The following HYCC1 variants were observed in gnomAD, a reference collection of about 807,000 sequenced individuals.
The protein encoded by HYCC1 is hyccin.
chr7:22,924,976 AG>A, the HYCC1 span, among the ~76,000 whole-genome samples: 1 of 152,202 alleles, frequency 6.6e-6, no homozygotes, highest in African/African-American at 2.4e-5. Context: ...TACTCCTCTG[AG>A]CCAAAACTTC....
the HYCC1 span, chr7:22,945,578 T>C: frequency 1.3e-6 from 2 of 1,583,498 alleles, no homozygotes; most frequent in East Asian, 2.2e-5. Flanking sequence ...GGGAGAAAAA[T>C]ATGTTACTAA....
chr7:23,012,026 G>C, the HYCC1 span, among the ~76,000 whole-genome samples: 8 of 152,208 alleles, frequency 5.3e-5, no homozygotes, highest in Admixed American at 3.9e-4. Context: ...TTGTATGTTA[G>C]ATAGTAAATT....
chr7:22,978,315 T>C, the HYCC1 span: 2 of 1,614,144 alleles, frequency 1.2e-6, no homozygotes, highest in Admixed American at 1.7e-5. Context: ...TCCACTGCTA[T>C]GCACATTTCT....
chr7:22,960,482 C>A, the HYCC1 span: 231 of 1,268,452 alleles, frequency 1.8e-4, 1 homozygote, highest in African/African-American at 2.8e-3. Flanking sequence ...TCTAACCCTT[C>A]GATAAAACAT....
At chr7:22,897,396 G>C in the HYCC1 span, among the ~76,000 whole-genome samples, 8 of 152,190 alleles carry the variant, frequency 5.3e-5, no homozygotes, top group Admixed American at 5.2e-4. Flanking sequence ...ATTTTGTCAA[G>C]AGTGGACTCC....
chr7:22,955,887 A>G, the HYCC1 span, among the ~76,000 whole-genome samples: 1 of 151,706 alleles, frequency 6.6e-6, no homozygotes, highest in Non-Finnish European at 1.5e-5. Flanking sequence ...ATAGAATTAA[A>G]GCATAATTAT....
chr7:22,918,177 C>T, the HYCC1 span, among the ~76,000 whole-genome samples: 2 of 152,322 alleles, frequency 1.3e-5, no homozygotes, highest in African/African-American at 2.4e-5. Flanking sequence ...ACTGAACCCC[C>T]TTAGGCACTC....
At chr7:23,011,899 A>G in the HYCC1 span, among the ~76,000 whole-genome samples, 9 of 152,148 alleles carry the variant, frequency 5.9e-5, no homozygotes, top group Admixed American at 1.3e-4. Context: ...CTCCACCTAC[A>G]CTCAAGGCAA....
the HYCC1 span, among the ~76,000 whole-genome samples, chr7:22,899,503 G>A: frequency 6.6e-6 from 1 of 152,312 alleles, no homozygotes; most frequent in African/African-American, 2.4e-5. Flanking sequence ...AGTTGCTAAT[G>A]AGGCAGAAAA....
the HYCC1 span, among the ~76,000 whole-genome samples, chr7:22,927,953 C>G: frequency 6.6e-6 from 1 of 152,036 alleles, no homozygotes; most frequent in Non-Finnish European, 1.5e-5. Context: ...ACTGGCAAAC[C>G]GAATCCAGCA....
At chr7:22,995,122 C>T in the HYCC1 span, among the ~76,000 whole-genome samples, 2 of 152,180 alleles carry the variant, frequency 1.3e-5, no homozygotes, top group African/African-American at 4.8e-5. Context: ...AAACAAACCA[C>T]TGGGCTTAGA....
At chr7:22,914,215 C>A in the HYCC1 span, among the ~76,000 whole-genome samples, 282 of 152,282 alleles carry the variant, frequency 1.9e-3, 5 homozygotes, top group East Asian at 0.041. Flanking sequence ...ACCGCGGGGA[C>A]GCCTGCCCTG....
chr7:23,000,047 T>C, the HYCC1 span, among the ~76,000 whole-genome samples: 2 of 152,002 alleles, frequency 1.3e-5, no homozygotes, highest in African/African-American at 2.4e-5. Context: ...ACACAAAAAC[T>C]ATCAACACCT....
the HYCC1 span, among the ~76,000 whole-genome samples, chr7:22,993,151 A>G: frequency 0.011 from 1,686 of 152,280 alleles, 26 homozygotes; most frequent in African/African-American, 0.039. Flanking sequence ...TGCTCTTTAT[A>G]ATAAATGGGG....
the HYCC1 span, among the ~76,000 whole-genome samples, chr7:22,953,967 T>C: frequency 6.6e-5 from 10 of 151,718 alleles, no homozygotes; most frequent in Non-Finnish European, 1.3e-4. Flanking sequence ...ACATACACAT[T>C]ATAAATTTTT....
the HYCC1 span, among the ~76,000 whole-genome samples, chr7:22,925,406 C>T: frequency 5.2e-4 from 79 of 152,254 alleles, no homozygotes; most frequent in East Asian, 0.013. Flanking sequence ...GAAGTTCGAA[C>T]CAACGGCAAA....
chr7:22,904,673 C>T, the HYCC1 span, among the ~76,000 whole-genome samples: 1 of 151,348 alleles, frequency 6.6e-6, no homozygotes, highest in Non-Finnish European at 1.5e-5. Context: ...AGGTTTAGGG[C>T]CAGGCATGGT....
chr7:22,963,344 C>T, the HYCC1 span, among the ~76,000 whole-genome samples: 1 of 152,108 alleles, frequency 6.6e-6, no homozygotes, highest in African/African-American at 2.4e-5. Flanking sequence ...ATGAAGATTT[C>T]AGCAAAGAGA....
chr7:22,942,545 T>C, the HYCC1 span: 7 of 152,260 alleles, frequency 4.6e-5, no homozygotes, highest in South Asian at 1.0e-3. Context: ...CTCCAGGCCG[T>C]TGGGTTTTCA....
Sources: allele counts gnomAD v4.1 joint callset (sites outside exome capture counted in the v4.1 genomes callset), GRCh38; gene constraint gnomAD v4.1.1; transcripts MANE v1.5; gene names NCBI Gene and HGNC (gene_info 2026-07-23, HGNC 2026-07-21).